The following ZBTB8A variants were observed in gnomAD, a reference collection of about 807,000 sequenced individuals.
ZBTB8A encodes the protein zinc finger and BTB domain containing 8A.
In ZBTB8A, 19 loss-of-function variants were observed where a neutral mutation model predicts 37.8. The ratio of observed to expected loss-of-function variants is 0.50; its 90% confidence interval spans 0.35 to 0.74. The LOEUF is 0.74. Among genes scored for constraint, ZBTB8A ranks in the 30% least tolerant of loss-of-function variants. The pLI is 0.01. For synonymous variants in ZBTB8A, 181 were observed against 185.2 expected, an observed-to-expected ratio of 0.98 and a Z score of 0.19; for missense variants, 394 against 537.8, an observed-to-expected ratio of 0.73 and a Z score of 2.65.
chr1:32,592,116 T>C (rs755434218), intron 2 of ZBTB8A, among the ~76,000 whole-genome samples: 2 of 152,130 alleles, frequency 1.3e-5, no homozygotes, highest in Non-Finnish European at 1.5e-5. Context: ...GCTGGGATTA[T>C]AGGCGTGAGC....
At chr1:32,554,922 C>T (rs1201306739) in intron 2 of ZBTB8A, among the ~76,000 whole-genome samples, 1 of 152,106 alleles carries the variant, frequency 6.6e-6, no homozygotes, top group East Asian at 1.9e-4. Flanking sequence ...TAGATCAGTC[C>T]TTTTAATTTG....
chr1:32,569,163 G>T (rs983328605), intron 2 of ZBTB8A, among the ~76,000 whole-genome samples: 6 of 152,126 alleles, frequency 3.9e-5, no homozygotes, highest in Non-Finnish European at 5.9e-5. Flanking sequence ...GATGGTGGGT[G>T]TGTAATGACA....
At chr1:32,576,259 G>T (rs1456078584) in intron 2 of ZBTB8A, among the ~76,000 whole-genome samples, 1 of 152,084 alleles carries the variant, frequency 6.6e-6, no homozygotes, top group African/African-American at 2.4e-5. Flanking sequence ...TTTACTGTGT[G>T]GCCTTTTAAG....
intron 2 of ZBTB8A, among the ~76,000 whole-genome samples, chr1:32,592,561 C>T (rs1644497978): frequency 6.7e-6 from 1 of 148,916 alleles, no homozygotes; most frequent in South Asian, 2.3e-4. Context: ...GGCTGGAGTG[C>T]AGTGGTGTGA....
chr1:32,569,984 C>T (rs373741874), intron 2 of ZBTB8A, among the ~76,000 whole-genome samples: 3 of 152,078 alleles, frequency 2.0e-5, no homozygotes, highest in African/African-American at 7.2e-5. Flanking sequence ...AAGACTTTCT[C>T]CTTTGTTTTC....
chr1:32,585,183 A>G (rs757487983), intron 2 of ZBTB8A, among the ~76,000 whole-genome samples: 5 of 151,012 alleles, frequency 3.3e-5, no homozygotes, highest in Non-Finnish European at 7.4e-5. Context: ...GATATGTGCC[A>G]TTTTCTTATT....
intron 2 of ZBTB8A, among the ~76,000 whole-genome samples, chr1:32,561,867 G>T (rs1461484464): frequency 1.3e-5 from 2 of 152,120 alleles, no homozygotes; most frequent in Admixed American, 6.5e-5. Flanking sequence ...ATAATTTTGG[G>T]GGGCACAACT....
chr1:32,593,228 G>A lies in ZBTB8A; in HGVS notation c.297G>A (p.Met99Ile), dbSNP rs1644503599. The A allele has an allele frequency of 1.2e-6, 2 of 1,614,194 alleles. No individual in the cohort carries two copies. Among genetic ancestry groups the A allele is most frequent in the Non-Finnish European group, 1.7e-6 (2 of 1,180,042 alleles). ...SLTGQNVIEVMSAASFLQMTD... is the reference protein window; with the variant it reads ...SLTGQNVIEVISAASFLQMTD... ...CTGGTCAGAATGTCATAGAAGTGATGTCGGCTGCTAGCTTCCTTCAGATGA... is the reference window on the plus strand; with the variant it reads ...CTGGTCAGAATGTCATAGAAGTGATATCGGCTGCTAGCTTCCTTCAGATGA... Residue 99 changes from methionine (M) to isoleucine (I), a missense_variant, in exon 3 of 5, where the codon ATG (methionine) becomes ATA (isoleucine). Transcript: ENST00000373510.
intron 2 of ZBTB8A, among the ~76,000 whole-genome samples, chr1:32,557,548 C>T (rs552488532): frequency 6.6e-6 from 1 of 152,236 alleles, no homozygotes; most frequent in East Asian, 1.9e-4. Flanking sequence ...CTGCAGCCTC[C>T]AACTCCTGGG....
At chr1:32,548,908 C>T (rs527368865) in intron 1 of ZBTB8A, among the ~76,000 whole-genome samples, 5 of 152,070 alleles carry the variant, frequency 3.3e-5, no homozygotes, top group African/African-American at 9.6e-5. Context: ...AATACCTGGC[C>T]GGGGCCAGGC....
intron 4 of ZBTB8A, among the ~76,000 whole-genome samples, chr1:32,598,163 A>G (rs1207277933): frequency 6.6e-6 from 1 of 151,440 alleles, no homozygotes; most frequent in Non-Finnish European, 1.5e-5. Flanking sequence ...TAATAACTGT[A>G]CTAGTGGTAA....
intron 2 of ZBTB8A, among the ~76,000 whole-genome samples, chr1:32,567,823 A>C (rs1570337242): frequency 2.5e-5 from 1 of 40,268 alleles, no homozygotes; most frequent in Non-Finnish European, 4.6e-5. Context: ...AAAAAAAAAA[A>C]CAAAAACAAA....
At chr1:32,554,699 GA>G in intron 2 of ZBTB8A, among the ~76,000 whole-genome samples, 1 of 151,864 alleles carries the variant, frequency 6.6e-6, no homozygotes, top group South Asian at 2.1e-4. Context: ...GGCTGGTCTC[GA>G]ACTCCTGACC....
At position 32,576,343 on chromosome 1, in the gene ZBTB8A, A is replaced by G. The variant is rs186580239; in HGVS notation, c.-1-16588A>G. Among the ~76,000 whole-genome samples the G allele has an allele frequency of 3.3e-5, 5 of 152,244 alleles. No individual in the cohort carries two copies. In the East Asian group the frequency reaches 9.6e-4, roughly 29 times the overall value. On this transcript the variant is annotated intron_variant, in intron 2 of 4. Transcript: ENST00000373510. ...TTTCTGTTTTTCCCTTTTTCTTCAA[A>G]TGTTTTTTCTGTCCCCACCGTTTCT...
intron 4 of ZBTB8A, among the ~76,000 whole-genome samples, chr1:32,598,994 T>A (rs924792245): frequency 6.6e-6 from 1 of 152,170 alleles, no homozygotes; most frequent in African/African-American, 2.4e-5. Context: ...TGTTTTAAAT[T>A]ACTTGCTCCA....
chr1:32,590,002 A>C (rs927588804), intron 2 of ZBTB8A, among the ~76,000 whole-genome samples: 1 of 152,050 alleles, frequency 6.6e-6, no homozygotes, highest in African/African-American at 2.4e-5. Flanking sequence ...ACCCTTCCTG[A>C]GCAATGTTGC....
intron 2 of ZBTB8A, among the ~76,000 whole-genome samples, chr1:32,579,460 A>G (rs1009417883): frequency 2.0e-5 from 3 of 151,968 alleles, no homozygotes; most frequent in South Asian, 2.1e-4. Context: ...CAAAAAAAAA[A>G]AAAAGAAAAG....
chr1:32,567,092 C>T (rs1347763346), intron 2 of ZBTB8A, among the ~76,000 whole-genome samples: 1 of 152,176 alleles, frequency 6.6e-6, no homozygotes, highest in African/African-American at 2.4e-5. Flanking sequence ...TTAATTGGCT[C>T]ACAGTTCCAC....
intron 2 of ZBTB8A, among the ~76,000 whole-genome samples, chr1:32,572,593 G>C (rs966741009): frequency 1.3e-5 from 2 of 151,702 alleles, no homozygotes; most frequent in Non-Finnish European, 2.9e-5. Context: ...ATGGGGTTTC[G>C]CCATGTTGGC....
Sources: allele counts gnomAD v4.1 joint callset (sites outside exome capture counted in the v4.1 genomes callset), GRCh38; gene constraint gnomAD v4.1.1; transcripts MANE v1.5; gene names NCBI Gene and HGNC (gene_info 2026-07-23, HGNC 2026-07-21).